Variants in ASTN2 observed in about 807,000 individuals in gnomAD.
ASTN2 encodes the protein astrotactin 2.
A neutral mutation model predicts 139.8 loss-of-function variants in ASTN2; 54 were observed. The ratio of observed to expected loss-of-function variants is 0.39; its 90% CI spans 0.31 to 0.48. ASTN2 has a LOEUF of 0.48. Ranked by LOEUF, ASTN2 falls within the 20% of genes least tolerant of loss-of-function variation. ASTN2 has a pLI of 0.95. For missense variants in ASTN2, 1,565 were observed against 1,725.1 expected, an observed-to-expected ratio of 0.91 and a Z score of 1.64; for synonymous variants, 756 against 719.5, an observed-to-expected ratio of 1.05 and a Z score of -0.81.
intron 19 of ASTN2, among the ~76,000 whole-genome samples, chr9:116,558,207 G>A (rs775009279): frequency 1.3e-4 from 20 of 152,172 alleles, no homozygotes; most frequent in Non-Finnish European, 1.6e-4. Flanking sequence ...TTGCAGACAA[G>A]CTGGAGACTT....
At chr9:116,720,631 TCA>T (rs148293903) in intron 16 of ASTN2, among the ~76,000 whole-genome samples, 14 of 150,954 alleles carry the variant, frequency 9.3e-5, no homozygotes, top group African/African-American at 2.4e-4. Context: ...TCCCTCTCTC[TCA>T]CACACACACA....
chr9:117,083,500 A>C (rs1277651854), intron 5 of ASTN2, among the ~76,000 whole-genome samples: 1 of 152,202 alleles, frequency 6.6e-6, no homozygotes, highest in Non-Finnish European at 1.5e-5. Flanking sequence ...ACAGCTGGTG[A>C]CATACAGAGG....
intron 16 of ASTN2, among the ~76,000 whole-genome samples, chr9:116,702,083 C>CT (rs1260388617): frequency 6.6e-6 from 1 of 152,206 alleles, no homozygotes; most frequent in Admixed American, 6.5e-5. Flanking sequence ...CTACAGAATA[C>CT]TTTTCTGAAA....
At chr9:116,528,600 A>C (rs1851195040) in intron 19 of ASTN2, among the ~76,000 whole-genome samples, 1 of 152,236 alleles carries the variant, frequency 6.6e-6, no homozygotes, top group African/African-American at 2.4e-5. Flanking sequence ...AAGAGAAACC[A>C]AATGTTAATA....
chr9:117,188,847 C>T (rs1164768444), intron 3 of ASTN2, among the ~76,000 whole-genome samples: 2 of 152,088 alleles, frequency 1.3e-5, no homozygotes, highest in Admixed American at 6.5e-5. Context: ...CCATGGGAGC[C>T]AGGTACCCGT....
chr9:117,044,995 G>T (rs1186436215), intron 5 of ASTN2, among the ~76,000 whole-genome samples: 1 of 152,114 alleles, frequency 6.6e-6, no homozygotes, highest in Non-Finnish European at 1.5e-5. Flanking sequence ...AACTAGTCCT[G>T]TTCCAGCCTT....
intron 1 of ASTN2, among the ~76,000 whole-genome samples, chr9:117,409,858 G>C (rs888642760): frequency 6.6e-6 from 1 of 152,134 alleles, no homozygotes; most frequent in African/African-American, 2.4e-5. Context: ...TTCTGGCCAG[G>C]TTCCTGGCAC....
intron 10 of ASTN2, among the ~76,000 whole-genome samples, chr9:116,921,705 G>C (rs1834615893): frequency 6.6e-6 from 1 of 152,096 alleles, no homozygotes; most frequent in South Asian, 2.1e-4. Flanking sequence ...AATCGTGTTG[G>C]AAGGGGAAGC....
intron 15 of ASTN2, among the ~76,000 whole-genome samples, chr9:116,728,309 C>T (rs933421426): frequency 2.0e-5 from 3 of 151,924 alleles, no homozygotes; most frequent in South Asian, 4.2e-4. Context: ...ATTTAAGCAC[C>T]GAGAATTCCG....
chr9:116,573,142 AAC>A (rs1853591336), intron 19 of ASTN2, among the ~76,000 whole-genome samples: 1 of 152,208 alleles, frequency 6.6e-6, no homozygotes, highest in Admixed American at 6.5e-5. Context: ...TTATAGAAGA[AAC>A]ACAACCAAAG....
intron 5 of ASTN2, among the ~76,000 whole-genome samples, chr9:117,065,649 GA>G (rs1369525002): frequency 6.6e-6 from 1 of 152,194 alleles, no homozygotes; most frequent in Admixed American, 6.5e-5. Flanking sequence ...AGGTGTTGAG[GA>G]AATGTCTGTT....
chr9:116,837,996 T>C (rs1034170449), intron 11 of ASTN2, among the ~76,000 whole-genome samples: 1 of 152,066 alleles, frequency 6.6e-6, no homozygotes, highest in Non-Finnish European at 1.5e-5. Flanking sequence ...AGGATTATGA[T>C]GAAATTATCC....
chr9:116,945,359 G>A (rs1283278919), intron 10 of ASTN2, among the ~76,000 whole-genome samples: 1 of 152,104 alleles, frequency 6.6e-6, no homozygotes, highest in Non-Finnish European at 1.5e-5. Context: ...CCAAATTCAT[G>A]TTCTGTGAGT....
intron 3 of ASTN2, among the ~76,000 whole-genome samples, chr9:117,157,291 A>G (rs1173372583): frequency 6.6e-6 from 1 of 151,932 alleles, no homozygotes; most frequent in Non-Finnish European, 1.5e-5. Flanking sequence ...ATCTCTAGCA[A>G]TTAGAGACTG....
intron 1 of ASTN2, among the ~76,000 whole-genome samples, chr9:117,355,195 A>G (rs1273505106): frequency 1.3e-5 from 2 of 152,204 alleles, no homozygotes; most frequent in African/African-American, 2.4e-5. Flanking sequence ...GTGAATAGTC[A>G]GCAAATTCAG....
chr9:117,102,059 A>G (rs929874961), intron 4 of ASTN2, among the ~76,000 whole-genome samples: 5 of 152,218 alleles, frequency 3.3e-5, no homozygotes, highest in African/African-American at 1.2e-4. Flanking sequence ...AACTGAAGAT[A>G]GGGCATTCAA....
intron 13 of ASTN2, among the ~76,000 whole-genome samples, chr9:116,799,368 A>G (rs1225174453): frequency 6.6e-6 from 1 of 152,140 alleles, no homozygotes; most frequent in Non-Finnish European, 1.5e-5. Context: ...CTCTTATGCT[A>G]TACAATATGC....
At chr9:116,676,839 GT>G (rs1859535520) in intron 16 of ASTN2, among the ~76,000 whole-genome samples, 1 of 152,124 alleles carries the variant, frequency 6.6e-6, no homozygotes, top group Non-Finnish European at 1.5e-5. Flanking sequence ...ATTTACTGAG[GT>G]TTTTCCCCCC....
chr9:116,464,400 T>C (rs1848588627), intron 20 of ASTN2, among the ~76,000 whole-genome samples: 1 of 147,702 alleles, frequency 6.8e-6, no homozygotes, highest in African/African-American at 2.5e-5. Context: ...GCATCATCTC[T>C]CTAGGACTCA....
Sources: gnomAD v4.1 joint callset for allele counts (sites outside exome capture counted in the v4.1 genomes callset) on GRCh38, gnomAD v4.1.1 for gene constraint, MANE v1.5 for transcripts, NCBI Gene and HGNC (gene_info 2026-07-23, HGNC 2026-07-21) for gene names.